ARHGAP26: variants seen among roughly 807,000 people sequenced by gnomAD.
ARHGAP26 encodes the protein Rho GTPase activating protein 26.
ARHGAP26 carries 38 observed loss-of-function variants against 104.8 expected under a neutral mutation model. The ratio of observed to expected loss-of-function variants is 0.36; its 90% CI spans 0.28 to 0.48. The LOEUF is 0.48. Ranked by LOEUF, ARHGAP26 falls within the 20% of genes least tolerant of loss-of-function variation. ARHGAP26 has a pLI of 0.99. For synonymous variants in ARHGAP26, 341 were observed against 340.0 expected (o/e 1.00, Z -0.03); for missense variants, 704 against 947.9 (o/e 0.74, Z 3.38).
At chr5:142,941,452 G>A (rs746457682) in intron 11 of ARHGAP26, among the ~76,000 whole-genome samples, 37 of 152,148 alleles carry the variant, frequency 2.4e-4, no homozygotes, top group African/African-American at 7.7e-4. Flanking sequence ...CTGTTTCCCC[G>A]TCTCCCATGC....
intron 19 of ARHGAP26, among the ~76,000 whole-genome samples, chr5:143,145,025 A>G (rs1313429481): frequency 6.6e-6 from 1 of 152,220 alleles, no homozygotes; most frequent in African/African-American, 2.4e-5. Context: ...AGGGATACCA[A>G]TAAAGAGTCA....
intron 18 of ARHGAP26, among the ~76,000 whole-genome samples, chr5:143,127,355 C>T (rs1241889127): frequency 1.3e-5 from 2 of 152,114 alleles, no homozygotes; most frequent in African/African-American, 4.8e-5. Flanking sequence ...TGTTATGTAC[C>T]ACAGGCTTTT....
chr5:142,963,164 G>GTA (rs1562164091), intron 11 of ARHGAP26, among the ~76,000 whole-genome samples: 1 of 75,506 alleles, frequency 1.3e-5, no homozygotes. Flanking sequence ...GTATTCCATG[G>GTA]TATATATGTA....
At chr5:143,010,361 C>T (rs112316174) in intron 11 of ARHGAP26, among the ~76,000 whole-genome samples, 5,066 of 152,276 alleles carry the variant, frequency 0.033, 306 homozygotes, top group African/African-American at 0.11. Context: ...GGTTCCATAT[C>T]TCTAAAATGT....
chr5:142,798,453 G>C (rs559451788), intron 1 of ARHGAP26, among the ~76,000 whole-genome samples: 8 of 152,340 alleles, frequency 5.3e-5, no homozygotes, highest in African/African-American at 1.2e-4. Flanking sequence ...TCATTGGTAG[G>C]CTTCTTTGGT....
At chr5:142,976,031 A>G (rs1773032034) in intron 11 of ARHGAP26, among the ~76,000 whole-genome samples, 1 of 152,200 alleles carries the variant, frequency 6.6e-6, no homozygotes, top group Non-Finnish European at 1.5e-5. Flanking sequence ...AGCAAAGTAT[A>G]TTATGCCATA....
At chr5:142,938,991 TTG>T (rs1371364839) in intron 11 of ARHGAP26, among the ~76,000 whole-genome samples, 1 of 152,212 alleles carries the variant, frequency 6.6e-6, no homozygotes, top group Non-Finnish European at 1.5e-5. Context: ...GCATCAACAA[TTG>T]TGTGTAAGTC....
At chr5:143,161,845 T>C (rs547115248) in intron 20 of ARHGAP26, among the ~76,000 whole-genome samples, 14 of 152,234 alleles carry the variant, frequency 9.2e-5, no homozygotes, top group Non-Finnish European at 1.8e-4. Context: ...GAAATCATTC[T>C]GGGTTTCGAG....
Position 143,222,541 on chromosome 5 carries a change from G to GCCACTGAGAGT in ARHGAP26, c.*96_*97insCACTGAGAGTC. On this transcript the variant is annotated 3_prime_UTR_variant, in exon 23 of 23. Transcript: ENST00000645722. ...CCATTTCTCTTTGCCACTGAGAAATGCAGCGTGACTGACTCTGTTGCTACC... is the reference window on the plus strand; with the variant it reads ...CCATTTCTCTTTGCCACTGAGAAATGCCACTGAGAGTCAGCGTGACTGACTCTGTTGCTACC... 2.0e-6 allele frequency: 2 copies of GCCACTGAGAGT among 985,504 alleles called. No homozygotes were observed. The highest frequency in any genetic ancestry group is 2.9e-6 in the Non-Finnish European group (2 of 686,772). The allele number at this position is 985,504 out of a possible 1,614,324, so 61.0% of individuals were successfully genotyped here. A position where few individuals can be genotyped will look rare whatever the true frequency, so the allele number is the denominator to read the frequency against.
intron 11 of ARHGAP26, among the ~76,000 whole-genome samples, chr5:142,941,007 G>A (rs559034274): frequency 3.4e-5 from 5 of 146,644 alleles, no homozygotes; most frequent in African/African-American, 1.3e-4. Flanking sequence ...CCCAGGAGGC[G>A]GAGCTTGCAG....
chr5:143,159,841 C>T (rs1038563966), intron 20 of ARHGAP26, among the ~76,000 whole-genome samples: 1 of 151,882 alleles, frequency 6.6e-6, no homozygotes, highest in Non-Finnish European at 1.5e-5. Context: ...TGTGGTTTTC[C>T]CTGAAGGAGG....
Position 143,214,584 on chromosome 5 carries a change from T to C in ARHGAP26, c.2191+496T>C, listed in dbSNP as rs537975126. ...GCAGTGGGTGCTGCACCTGATTCCG[T>C]GGGTCCTGGCTGCATCTGTAAACAC... On this transcript the variant is annotated intron_variant, in intron 22 of 22. Coordinates refer to ENST00000645722, the MANE Select transcript of ARHGAP26 (RefSeq NM_001135608.3). Among the ~76,000 whole-genome samples, 96 of 152,300 alleles carry C rather than the reference T, an allele frequency of 6.3e-4. 1 individual carries two copies. Among genetic ancestry groups the C allele is most frequent in the African/African-American group, 2.1e-3 (87 of 41,560 alleles).
chr5:143,207,097 G>C, intron 20 of ARHGAP26, 101 bp from the exon 21 acceptor site: 2 of 1,456,050 alleles, frequency 1.4e-6, no homozygotes, highest in South Asian at 1.3e-5. Context: ...GTGCTCCTCT[G>C]CTCTGCCCAG....
In ARHGAP26 at chr5:143,147,217, C is replaced by T; in HGVS notation, c.1838-14C>T. The T allele has an allele frequency of 6.2e-7, 1 of 1,612,346 alleles. No homozygotes were observed. On this transcript the variant is annotated splice_polypyrimidine_tract_variant and intron_variant, in intron 19 of 22. Transcript: ENST00000645722. ...AATAATATTAATATGGGACTTGTGG[C>T]TTTTCCCCCCCAGAGGAACAAAGGA...
At chr5:143,213,143 T>TAAAC (rs914884841) in intron 21 of ARHGAP26, among the ~76,000 whole-genome samples, 1 of 152,226 alleles carries the variant, frequency 6.6e-6, no homozygotes, top group Non-Finnish European at 1.5e-5. Flanking sequence ...AGACTCCGTC[T>TAAAC]AAACAAACAA....
chr5:143,091,965 A>G (rs1167771206), intron 17 of ARHGAP26, among the ~76,000 whole-genome samples: 1 of 152,142 alleles, frequency 6.6e-6, no homozygotes, highest in Non-Finnish European at 1.5e-5. Context: ...CTTTTACCAA[A>G]GTTTTATTTT....
chr5:142,834,146 T>G (rs1270049171), intron 1 of ARHGAP26, among the ~76,000 whole-genome samples: 1 of 152,244 alleles, frequency 6.6e-6, no homozygotes, highest in Admixed American at 6.5e-5. Flanking sequence ...AAGAAAGGCT[T>G]ATTTTAAACT....
intron 17 of ARHGAP26, among the ~76,000 whole-genome samples, chr5:143,069,573 T>C (rs1787964025): frequency 6.6e-6 from 1 of 152,192 alleles, no homozygotes; most frequent in Non-Finnish European, 1.5e-5. Flanking sequence ...TCTTTCTTGA[T>C]AGGACCACAT....
At chr5:142,958,197 A>T (rs367644661) in intron 11 of ARHGAP26, among the ~76,000 whole-genome samples, 21 of 152,078 alleles carry the variant, frequency 1.4e-4, no homozygotes, top group African/African-American at 4.6e-4. Context: ...TGGCACCCAG[A>T]TTGTGTTTTA....
Sources: allele counts gnomAD v4.1 joint callset (sites outside exome capture counted in the v4.1 genomes callset), GRCh38; gene constraint gnomAD v4.1.1; transcripts MANE v1.5; gene names NCBI Gene and HGNC (gene_info 2026-07-23, HGNC 2026-07-21).